The following PM20D2 variants were observed in gnomAD, a reference collection of about 807,000 sequenced individuals.
The protein encoded by PM20D2 is peptidase M20 domain containing 2, also known as xaa-Arg dipeptidase.
In PM20D2, 33 loss-of-function variants were observed where a neutral mutation model predicts 42.9. The observed-to-expected ratio is 0.77, with a 90% confidence interval of 0.58 to 1.03. The LOEUF (loss-of-function observed/expected upper bound fraction) is 1.03. Among genes scored for constraint, PM20D2 ranks in the 50% least tolerant of loss-of-function variants. The pLI, the probability that PM20D2 is intolerant of heterozygous loss-of-function variation, is 0.00. For missense variants in PM20D2, 548 were observed against 557.0 expected, an observed-to-expected ratio of 0.98 and a Z score of 0.16; for synonymous variants, 250 against 228.2, an observed-to-expected ratio of 1.10 and a Z score of -0.86.
chr6:89,095,146 A>AT, the PM20D2 span, among the ~76,000 whole-genome samples: 1 of 152,160 alleles, frequency 6.6e-6, no homozygotes, highest in Non-Finnish European at 1.5e-5. Context: ...TAAGTAACAT[A>AT]TATCTATCTA....
chr6:89,120,233 G>A, the PM20D2 span, among the ~76,000 whole-genome samples: 4 of 152,184 alleles, frequency 2.6e-5, no homozygotes, highest in Non-Finnish European at 4.4e-5. Context: ...AGAGCCAAAT[G>A]ATATCAGCCA....
Position 89,154,892 on chromosome 6 carries a change from C to T in PM20D2, c.902C>T (p.Ser301Leu), listed in dbSNP as rs377529969. The T allele has an allele frequency of 3.8e-6, 6 of 1,592,676 alleles. No homozygotes were observed. Among genetic ancestry groups the T allele is most frequent in the Non-Finnish European group, 5.1e-6 (6 of 1,172,540 alleles). ...EDCFRAAALA[S>L]GCTVEIKGGA... Reference sequence around the variant, plus strand: ...TGCTTCAGAGCTGCAGCTTTGGCTTCAGGGTGCACAGTAAGAACTTTTAAA... The same window carrying T: ...TGCTTCAGAGCTGCAGCTTTGGCTTTAGGGTGCACAGTAAGAACTTTTAAA... Residue 301 changes from serine (S) to leucine (L), a missense_variant, in exon 4 of 7, where the codon TCA (serine) becomes TTA (leucine). Physicochemically the swap from Ser to Leu is moderately radical, Grantham distance 145 (BLOSUM62 -2). Coordinates refer to ENST00000275072, the MANE Select transcript of PM20D2 (RefSeq NM_001010853.3).
chr6:89,158,113 A>G (rs901203242), intron 4 of PM20D2, among the ~76,000 whole-genome samples: 1 of 152,196 alleles, frequency 6.6e-6, no homozygotes, highest in African/African-American at 2.4e-5. Context: ...GGTTTAGTGT[A>G]TATATAGCAT....
In PM20D2 at chr6:89,146,218, T is replaced by G. The variant is rs1770538162; in HGVS notation, c.74T>G (p.Leu25Arg). The G allele has an allele frequency of 4.5e-6, 7 of 1,569,516 alleles. No homozygotes were observed. The highest frequency in any genetic ancestry group is 6.0e-6 in the Non-Finnish European group (7 of 1,166,114). Residue 25 changes from leucine (L) to arginine (R), a missense_variant, in exon 1 of 7, where the codon CTG (leucine) becomes CGG (arginine). By Grantham distance (102) the Leu-to-Arg change is moderately radical (BLOSUM62 -2). Coordinates refer to ENST00000275072, the MANE Select transcript of PM20D2 (RefSeq NM_001010853.3). ...CGCTCCGAGCTGGAGCTACTGAAGC[T>G]GCGCTCGGCGGAGTGCATCGACGAG... ...NGRSELELLKLRSAECIDEAA... is the reference protein window; with the variant it reads ...NGRSELELLKRRSAECIDEAA...
the PM20D2 span, among the ~76,000 whole-genome samples, chr6:89,095,046 T>C: frequency 6.6e-6 from 1 of 152,124 alleles, no homozygotes; most frequent in Non-Finnish European, 1.5e-5. Flanking sequence ...GCACACACAG[T>C]AGTTTGGCAT....
In PM20D2 at chr6:89,165,476, A is replaced by G. The variant is rs1368723582; in HGVS notation, c.*3213A>G. ...AGTTAATATTTTCAAGTAAGCAATC[A>G]GTCTACTACCATCAGATTATAAGCT... On this transcript the variant is annotated 3_prime_UTR_variant, in exon 7 of 7. Transcript: ENST00000275072. The G allele has an allele frequency of 6.6e-6, 1 of 152,228 alleles. No individual in the cohort carries two copies. The highest frequency in any genetic ancestry group is 2.4e-5 in the African/African-American group (1 of 41,458). 9.4% of individuals were successfully genotyped at this position (152,228 alleles called of 1,614,324 possible).
chr6:89,114,075 C>T, the PM20D2 span, among the ~76,000 whole-genome samples: 5 of 152,170 alleles, frequency 3.3e-5, no homozygotes, highest in Non-Finnish European at 5.9e-5. Flanking sequence ...ACCTGCTATT[C>T]GATCTTAGGC....
the PM20D2 span, among the ~76,000 whole-genome samples, chr6:89,129,091 G>A: frequency 6.6e-6 from 1 of 152,040 alleles, no homozygotes; most frequent in Non-Finnish European, 1.5e-5. Flanking sequence ...AGGGTGTGGT[G>A]GCCTCTCATT....
the PM20D2 span, among the ~76,000 whole-genome samples, chr6:89,124,373 A>G: frequency 1.3e-5 from 2 of 152,192 alleles, no homozygotes; most frequent in South Asian, 4.1e-4. Context: ...ACCACTGGTG[A>G]GTATCTTTAA....
At chr6:89,117,938 C>T in the PM20D2 span, 2 of 1,521,438 alleles carry the variant, frequency 1.3e-6, no homozygotes, top group Middle Eastern at 1.8e-4. Context: ...TGGACTCGCT[C>T]CGTCTCCCGC....
chr6:89,146,089 T>A lies in PM20D2; in HGVS notation c.-56T>A. 1 of 1,353,870 alleles carries A rather than the reference T, an allele frequency of 7.4e-7. No individual in the cohort carries two copies. The highest frequency in any genetic ancestry group is 1.5e-5 in the African/African-American group (1 of 65,432). 83.9% of individuals were successfully genotyped at this position (1,353,870 alleles called of 1,614,324 possible). ...TCTGGGCGCGTGCGCGGGCGGTCGC[T>A]ACCTGCGGCCGAGCCAGGGAGCGAG... is the stretch of plus-strand genomic sequence containing the variant. On this transcript the variant is annotated 5_prime_UTR_variant, in exon 1 of 7. Coordinates refer to ENST00000275072, the MANE Select transcript of PM20D2 (RefSeq NM_001010853.3).
the PM20D2 span, among the ~76,000 whole-genome samples, chr6:89,110,678 G>A: frequency 6.6e-6 from 1 of 152,276 alleles, no homozygotes; most frequent in African/African-American, 2.4e-5. Context: ...ATCGGCCTTA[G>A]GTTCCCTGCC....
chr6:89,122,218 AC>A, the PM20D2 span, among the ~76,000 whole-genome samples: 132 of 152,300 alleles, frequency 8.7e-4, no homozygotes, highest in African/African-American at 2.9e-3. Context: ...GTCTGAGCTG[AC>A]TATCTCTTAC....
intron 2 of PM20D2, among the ~76,000 whole-genome samples, chr6:89,149,976 C>A (rs1472152636): frequency 6.6e-6 from 1 of 152,096 alleles, no homozygotes; most frequent in African/African-American, 2.4e-5. Flanking sequence ...TTTTTAGTAC[C>A]TAGGAGCACA....
chr6:89,105,584 A>T, the PM20D2 span: 1 of 1,303,174 alleles, frequency 7.7e-7, no homozygotes, highest in Non-Finnish European at 1.1e-6. Flanking sequence ...AACATATTTT[A>T]AAAGCATTAT....
rs941975118 is a variant in PM20D2, at chr6:89,146,433, C to G, written c.289C>G (p.Arg97Gly). The G allele has an allele frequency of 2.2e-5, 34 of 1,523,808 alleles. No homozygotes were observed. The highest frequency in any genetic ancestry group is 2.6e-5 in the Non-Finnish European group (30 of 1,142,904). 94.4% of individuals were successfully genotyped at this position (1,523,808 alleles called of 1,614,324 possible). A position where few individuals can be genotyped will look rare whatever the true frequency, so the allele number is the denominator to read the frequency against. The change falls in exon 1 of 7, where the codon CGG becomes GGG. Residue 97 changes from arginine to glycine, a missense_variant. Physicochemically the swap from Arg to Gly is moderately radical, Grantham distance 125 (BLOSUM62 -2). Coordinates refer to ENST00000275072, the MANE Select transcript of PM20D2 (RefSeq NM_001010853.3). ...CGCCGAGTGGGAGCCGCCGGAGGCC[C>G]GGGCACCGAGCGCCACGCCACGCCC... ...FRAEWEPPEARAPSATPRPLH... is the reference protein window; with the variant it reads ...FRAEWEPPEAGAPSATPRPLH...
chr6:89,148,039 G>A (rs78191249), intron 1 of PM20D2, among the ~76,000 whole-genome samples: 9,796 of 141,388 alleles, frequency 0.069, 1,030 homozygotes, highest in African/African-American at 0.23. Flanking sequence ...CGAGTGCAGT[G>A]GTCCTATCTC....
the PM20D2 span, chr6:89,097,447 A>C: frequency 6.6e-6 from 1 of 152,208 alleles, no homozygotes; most frequent in African/African-American, 2.4e-5. Context: ...GTCAGAAATG[A>C]AGGGCAGTAT....
intron 1 of PM20D2, among the ~76,000 whole-genome samples, chr6:89,148,309 A>G (rs762065381): frequency 6.6e-6 from 1 of 152,120 alleles, no homozygotes; most frequent in Non-Finnish European, 1.5e-5. Flanking sequence ...GTTGTTCTCA[A>G]TTTTAGCAAG....
Sources: allele counts gnomAD v4.1 joint callset (sites outside exome capture counted in the v4.1 genomes callset), GRCh38; gene constraint gnomAD v4.1.1; transcripts MANE v1.5; gene names NCBI Gene and HGNC (gene_info 2026-07-23, HGNC 2026-07-21).